FASN: variants seen among roughly 807,000 people sequenced by gnomAD.
FASN encodes fatty acid synthase.
A neutral mutation model predicts 250.0 loss-of-function variants in FASN; 50 were observed. The ratio of observed to expected loss-of-function variants is 0.20; its 90% CI spans 0.16 to 0.25. The LOEUF is 0.25. Ranked by LOEUF, FASN falls within the 10% of genes least tolerant of loss-of-function variation. The pLI is 1.00. For missense variants in FASN, 3,031 were observed against 3,498.5 expected, an observed-to-expected ratio of 0.87 and a Z score of 3.37; for synonymous variants, 1,909 against 1,584.0, an observed-to-expected ratio of 1.21 and a Z score of -4.87.
intron 3 of FASN, 116 bp downstream of exon 3, chr17:82,095,204 G>C (rs12450902): frequency 1.7e-5 from 22 of 1,285,144 alleles, no homozygotes; most frequent in Non-Finnish European, 2.5e-5. Context: ...GGGCACAGCC[G>C]GGGAGGGTAG....
chr17:82,096,547 C>T (rs2034307658), intron 1 of FASN, 95 bp from the exon 2 acceptor site: 5 of 1,571,560 alleles, frequency 3.2e-6, no homozygotes, highest in Non-Finnish European at 4.3e-6. Context: ...CCCATGGGGC[C>T]AAGCACCACC....
Position 82,079,616 on chromosome 17 carries a change from G to T in FASN, c.7147-8C>A. The T allele has an allele frequency of 1.3e-6, 2 of 1,598,636 alleles. No homozygotes were observed. Among genetic ancestry groups the T allele is most frequent in the Non-Finnish European group, 1.7e-6 (2 of 1,179,630 alleles). ...CAGCAGCGCCTCCAGCACCTGTGGG[G>T]TCGGGCTCTGAGCAGGTGCTGGCAG... is the stretch of plus-strand genomic sequence containing the variant. On this transcript the variant is annotated splice_region_variant and splice_polypyrimidine_tract_variant and intron_variant, in intron 41 of 42. Transcript: ENST00000306749.
intron 26 of FASN, 25 bp from the exon 27 acceptor site, chr17:82,084,741 G>C: frequency 6.4e-7 from 1 of 1,551,256 alleles, no homozygotes. Flanking sequence ...AGGTGGGGCT[G>C]CTGCGGGGCC....
At chr17:82,087,025 G>A (rs200139525) in intron 21 of FASN, 25 bp downstream of exon 21, 51 of 1,609,510 alleles carry the variant, frequency 3.2e-5, no homozygotes, top group Middle Eastern at 2.2e-4. Context: ...AGAGGTGTCC[G>A]AAGCCAGCAG....
At position 82,084,786 on chromosome 17, in the gene FASN, G is replaced by T; in HGVS notation, c.4564+13C>A. ...AGTCTCCCGGGAGGGGCAGGGCAGT[G>T]TCGGGGGCTCACCCTCCTCCAGCAG... On this transcript the variant is annotated intron_variant, in intron 26 of 42. Coordinates refer to ENST00000306749, the MANE Select transcript of FASN (RefSeq NM_004104.5). 6.5e-7 allele frequency: 1 copy of T among 1,550,166 alleles called. No individual in the cohort carries two copies. The highest frequency in any genetic ancestry group is 8.7e-7 in the Non-Finnish European group (1 of 1,147,034).
At chr17:82,090,688 G>A in intron 10 of FASN, 124 bp from the exon 11 acceptor site, 2 of 1,097,754 alleles carry the variant, frequency 1.8e-6, no homozygotes, top group South Asian at 2.7e-5. Flanking sequence ...TCTCCTGATA[G>A]GAAAGAAGCC....
Position 82,093,620 on chromosome 17 carries a change from G to C in FASN, c.432C>G (p.Leu144=). The C allele has an allele frequency of 6.2e-7, 1 of 1,612,792 alleles. No homozygotes were observed. Among genetic ancestry groups the C allele is most frequent in the Non-Finnish European group, 8.5e-7 (1 of 1,179,978 alleles). ...GCQRAMMANR[L]SFFFDFRGPS... The stretch of plus-strand genomic sequence containing the variant: ...CACCTCTGAAGTCGAAGAAGAAGGA[G>C]AGCCGGTTGGCCATCATCGCTCGCT... Residue 144 remains leucine, a synonymous_variant, in exon 4 of 43, where the codon CTC becomes CTG. Coordinates refer to ENST00000306749, the MANE Select transcript of FASN (RefSeq NM_004104.5).
intron 3 of FASN, among the ~76,000 whole-genome samples, chr17:82,094,524 C>T (rs901719636): frequency 6.6e-6 from 1 of 151,952 alleles, no homozygotes; most frequent in Non-Finnish European, 1.5e-5. Context: ...GGCGTGGTGG[C>T]TCATGCCTGT....
Position 82,092,721 on chromosome 17 carries a change from G to A in FASN, c.870C>T (p.Ile290=), listed in dbSNP as rs151114755. 1.2e-4 allele frequency: 189 copies of A among 1,599,764 alleles called. No individual in the cohort carries two copies. In the African/African-American group the frequency reaches 2.0e-3, roughly 17 times the overall value. ...CCTTGGTGCCTGTGCCGTGGGCTTC[G>A]ATGTATTCAAATGACTCAGGGGCCA... ...AGVAPESFEY[I]EAHGTGTKVG... The change falls in exon 7 of 43, where the codon ATC becomes ATT. Residue 290 remains isoleucine (I), a synonymous_variant. Coordinates refer to ENST00000306749, the MANE Select transcript of FASN (RefSeq NM_004104.5).
intron 3 of FASN, among the ~76,000 whole-genome samples, chr17:82,094,955 G>A (rs1046463623): frequency 2.0e-5 from 3 of 149,682 alleles, no homozygotes; most frequent in Non-Finnish European, 4.5e-5. Context: ...GAGACAGCAG[G>A]GCCGGTGCTG....
At position 82,082,419 on chromosome 17, in the gene FASN, G is replaced by T. The variant is rs200933460; in HGVS notation, c.5920-5C>A. On this transcript the variant is annotated splice_region_variant and splice_polypyrimidine_tract_variant and intron_variant, in intron 34 of 42. Transcript: ENST00000306749. ...CAGCAAGCCATCTCTCAAGACCTGG[G>T]GGAGGCATCCTCAGCACTCCCTGCA... 4.6e-5 allele frequency: 74 copies of T among 1,612,696 alleles called. No homozygotes were observed. Among genetic ancestry groups the T allele is most frequent in the Non-Finnish European group, 5.8e-5 (68 of 1,179,966 alleles).
At chr17:82,089,562 G>GC (rs2095857556) in intron 12 of FASN, 70 bp downstream of exon 12, 1 of 1,542,592 alleles carries the variant, frequency 6.5e-7, no homozygotes, top group Admixed American at 1.9e-5. Context: ...GACCGTGGCC[G>GC]CGTGTCCCTG....
In FASN at chr17:82,091,566, A is replaced by G; in HGVS notation, c.1148T>C (p.Val383Ala). The change falls in exon 9 of 43, where the codon GTC becomes GCC. Residue 383 changes from valine to alanine, a missense_variant. Transcript: ENST00000306749. ...GTTGATGCCCACGTTGCCGCCACGG[A>G]CGGGCAGGGGCTGGTCCACCACCTG... ...RLQVVDQPLP[V>A]RGGNVGINSF... 6.3e-7 allele frequency: 1 copy of G among 1,590,570 alleles called. No individual in the cohort carries two copies. Among genetic ancestry groups the G allele is most frequent in the Non-Finnish European group, 8.5e-7 (1 of 1,170,114 alleles).
chr17:82,088,873 C>T lies in FASN; in HGVS notation c.2308G>A (p.Val770Ile). 1.2e-6 allele frequency: 2 copies of T among 1,612,344 alleles called. No individual in the cohort carries two copies. Among genetic ancestry groups the T allele is most frequent in the South Asian group, 1.1e-5 (1 of 91,082 alleles). Residue 770 changes from valine to isoleucine, a missense_variant, in exon 15 of 43, where the codon GTC becomes ATC. By Grantham distance (29) the Val-to-Ile change is conservative. Coordinates refer to ENST00000306749, the MANE Select transcript of FASN (RefSeq NM_004104.5). ...CTCGGCTTCAGGCCACGCTTCAGGA[C>T]AGCCTGGGGGCGGCAGGGCAGGTGG... is the stretch of plus-strand genomic sequence containing the variant. ...EIAPHALLQA[V>I]LKRGLKPSCT...
chr17:82,089,034 C>T lies in FASN; in HGVS notation c.2239G>A (p.Glu747Lys). The T allele has an allele frequency of 6.2e-7, 1 of 1,606,412 alleles. No homozygotes were observed. Among genetic ancestry groups the T allele is most frequent in the Non-Finnish European group, 8.5e-7 (1 of 1,177,182 alleles). Reference protein sequence around the residue: ...NNLVSPVLFQEALWHVPEHAV... With the variant: ...NNLVSPVLFQKALWHVPEHAV... ...TGCTCAGGCACGTGCCACAGGGCCT[C>T]CTGGAACAGCACAGGGCTCACCAGG... The change falls in exon 14 of 43, where the codon GAG becomes AAG. Residue 747 changes from glutamate to lysine, a missense_variant. Coordinates refer to ENST00000306749, the MANE Select transcript of FASN (RefSeq NM_004104.5).
At position 82,079,294 on chromosome 17, in the gene FASN, G is replaced by C. The variant is rs754847679; in HGVS notation, c.7399-14C>G. 1.2e-6 allele frequency: 2 copies of C among 1,612,880 alleles called. No homozygotes were observed. Among genetic ancestry groups the C allele is most frequent in the African/African-American group, 2.7e-5 (2 of 74,944 alleles). On this transcript the variant is annotated splice_polypyrimidine_tract_variant and intron_variant, in intron 42 of 42. Coordinates refer to ENST00000306749, the MANE Select transcript of FASN (RefSeq NM_004104.5). Reference sequence around the variant, plus strand: ...CCCGTCGCATACCTGCAGGGGATGCGATCAGCTGCCGTCCCACCCCACTCC... The same window carrying C: ...CCCGTCGCATACCTGCAGGGGATGCCATCAGCTGCCGTCCCACCCCACTCC...
rs1441894401 is a variant in FASN, at chr17:82,090,484, A to G, written c.1761T>C (p.Cys587=). Reference sequence around the variant, plus strand: ...GGGACAGGCAGCCGTCGGCGTAGCCACAGGCCACCTCCCCCAGGGAGTGGC... The same window carrying G: ...GGGACAGGCAGCCGTCGGCGTAGCCGCAGGCCACCTCCCCCAGGGAGTGGC... ...IVGHSLGEVA[C]GYADGCLSQE... is the part of the protein sequence containing the mutation. The change falls in exon 11 of 43, where the codon TGT becomes TGC. Residue 587 remains cysteine (C), a synonymous_variant. Coordinates refer to ENST00000306749, the MANE Select transcript of FASN (RefSeq NM_004104.5). 10 of 1,610,410 alleles carry G rather than the reference A, an allele frequency of 6.2e-6. No homozygotes were observed. The highest frequency in any genetic ancestry group is 8.5e-6 in the Non-Finnish European group (10 of 1,179,088).
chr17:82,085,025 G>A lies in FASN; in HGVS notation c.4409+10C>T, dbSNP rs771724960. ...GGGGAAGGGGAAGTGGTGAGGGGCC[G>A]TGCTCCTACCGGAGGCGGTTCCCGC... On this transcript the variant is annotated intron_variant, in intron 25 of 42. Coordinates refer to ENST00000306749, the MANE Select transcript of FASN (RefSeq NM_004104.5). 196 of 1,605,086 alleles carry A rather than the reference G, an allele frequency of 1.2e-4. No homozygotes were observed. The highest frequency in any genetic ancestry group is 5.0e-4 in the South Asian group (45 of 90,228).
intron 10 of FASN, 53 bp downstream of exon 10, chr17:82,090,829 A>G: frequency 1.3e-6 from 2 of 1,538,998 alleles, no homozygotes; most frequent in Non-Finnish European, 1.8e-6. Context: ...GCTCCAGGGA[A>G]AGCCAGAGCC....
Sources: gnomAD v4.1 joint callset for allele counts (sites outside exome capture counted in the v4.1 genomes callset) on GRCh38, gnomAD v4.1.1 for gene constraint, MANE v1.5 for transcripts, NCBI Gene and HGNC (gene_info 2026-07-23, HGNC 2026-07-21) for gene names.